RARB: variants seen among roughly 807,000 people sequenced by gnomAD.
The protein encoded by RARB is HBV-activated protein.
A neutral mutation model predicts 51.9 loss-of-function variants in RARB; 17 were observed. The ratio of observed to expected loss-of-function variants is 0.33; its 90% CI spans 0.22 to 0.49. The LOEUF (loss-of-function observed/expected upper bound fraction) is 0.49, where lower values mean the gene tolerates loss of function less well. RARB is among the 20% of genes least tolerant of loss of function. The probability of loss-of-function intolerance (pLI) is 0.99; values close to 1 mark genes in which losing one functional copy is unlikely to be tolerated. For synonymous variants in RARB, 215 were observed against 195.4 expected (o/e 1.10, Z -0.84); for missense variants, 369 against 550.8 (o/e 0.67, Z 3.30).
At chr3:25,593,888 T>C (rs1423066161) in intron 6 of RARB, among the ~76,000 whole-genome samples, 181 bp downstream of exon 6, 1 of 152,218 alleles carries the variant, frequency 6.6e-6, no homozygotes, top group Non-Finnish European at 1.5e-5. Context: ...TAACTAATGG[T>C]ATTTGGGATC....
intron 1 of RARB, among the ~76,000 whole-genome samples, chr3:25,453,353 T>G (rs888268312): frequency 1.3e-5 from 2 of 151,136 alleles, no homozygotes; most frequent in Non-Finnish European, 2.9e-5. Context: ...GTTCAAGCGA[T>G]TCTCCTGCCT....
At chr3:25,506,252 C>CAAAAAA (rs35856686) in intron 3 of RARB, among the ~76,000 whole-genome samples, 10 of 57,740 alleles carry the variant, frequency 1.7e-4, no homozygotes, top group Non-Finnish European at 1.9e-4. Flanking sequence ...GACTCCATCT[C>CAAAAAA]AAAAAAAAAA....
At chr3:25,186,904 T>C (rs1293857631) in intron 5 of RARB, among the ~76,000 whole-genome samples, 1 of 148,512 alleles carries the variant, frequency 6.7e-6, no homozygotes, top group Non-Finnish European at 1.5e-5. Context: ...TGTGTGTGTG[T>C]GTGTGTGTGT....
At chr3:24,950,822 T>G (rs1249888276) in intron 2 of RARB, among the ~76,000 whole-genome samples, 2 of 152,118 alleles carry the variant, frequency 1.3e-5, no homozygotes. Flanking sequence ...TGTAGTGCAG[T>G]AATTTTTCAA....
At chr3:24,957,069 T>C (rs371644279) in intron 2 of RARB, among the ~76,000 whole-genome samples, 3 of 152,166 alleles carry the variant, frequency 2.0e-5, no homozygotes, top group East Asian at 1.9e-4. Context: ...AGGAGTAATA[T>C]TGAACAAGGT....
chr3:24,977,093 G>A (rs1170908947), intron 2 of RARB, among the ~76,000 whole-genome samples: 1 of 152,034 alleles, frequency 6.6e-6, no homozygotes. Context: ...TTATTTTTGA[G>A]GCCTCTGTTC....
intron 5 of RARB, among the ~76,000 whole-genome samples, chr3:25,174,876 G>A (rs779593237): frequency 2.6e-5 from 4 of 152,186 alleles, no homozygotes; most frequent in Admixed American, 2.0e-4. Flanking sequence ...AAAGAAATTG[G>A]CCATATGATA....
At chr3:25,284,815 A>G (rs1703610142) in intron 5 of RARB, among the ~76,000 whole-genome samples, 1 of 152,218 alleles carries the variant, frequency 6.6e-6, no homozygotes, top group South Asian at 2.1e-4. Flanking sequence ...TATTCACGGG[A>G]TGCCAAAGCT....
At chr3:25,251,358 A>G (rs892661644) in intron 5 of RARB, among the ~76,000 whole-genome samples, 3 of 152,010 alleles carry the variant, frequency 2.0e-5, no homozygotes, top group Non-Finnish European at 2.9e-5. Context: ...TCATGGACAT[A>G]TGTTTTCAAT....
chr3:25,446,031 A>G lies in RARB; in HGVS notation c.158-15162A>G, dbSNP rs980934159. Among the ~76,000 whole-genome samples the G allele has an allele frequency of 5.3e-5, 8 of 152,372 alleles. No homozygotes were observed. The East Asian group carries it at 9.6e-4, about 18-fold the overall frequency. On this transcript the variant is annotated intron_variant, in intron 1 of 7. Transcript: ENST00000330688. ...GAACAAAGCATGATAAATAATCCCA[A>G]TAGACAGAATATGTGGGAAGGAATT...
intron 5 of RARB, among the ~76,000 whole-genome samples, chr3:25,590,802 C>T (rs1050604921): frequency 6.6e-6 from 1 of 152,202 alleles, no homozygotes; most frequent in African/African-American, 2.4e-5. Context: ...TTGACTGTCA[C>T]TTGATAACTC....
chr3:25,066,466 T>C (rs1479191792), intron 3 of RARB, among the ~76,000 whole-genome samples: 1 of 152,216 alleles, frequency 6.6e-6, no homozygotes, highest in Non-Finnish European at 1.5e-5. Flanking sequence ...TGAAAGTCAC[T>C]TAGGAATAAA....
chr3:25,271,158 G>A (rs1465212040), intron 5 of RARB, among the ~76,000 whole-genome samples: 2 of 152,154 alleles, frequency 1.3e-5, no homozygotes, highest in African/African-American at 2.4e-5. Context: ...AACCAATTAC[G>A]ATGGAATATG....
At chr3:25,555,428 C>T (rs921484466) in intron 3 of RARB, 23 of 152,142 alleles carry the variant, frequency 1.5e-4, no homozygotes, top group African/African-American at 5.3e-4. Flanking sequence ...ATCTGCCTCC[C>T]CCAAGAAGAA....
At chr3:24,969,811 G>T (rs927780031) in intron 2 of RARB, among the ~76,000 whole-genome samples, 18 of 152,074 alleles carry the variant, frequency 1.2e-4, no homozygotes, top group Admixed American at 9.8e-4. Flanking sequence ...AGAGTGGTGT[G>T]TCCATTTACA....
At chr3:24,855,571 G>A (rs1264899677) in intron 1 of RARB, among the ~76,000 whole-genome samples, 2 of 151,976 alleles carry the variant, frequency 1.3e-5, no homozygotes, top group Non-Finnish European at 2.9e-5. Flanking sequence ...TTTTGAGAGG[G>A]AATATAGTAC....
At chr3:25,345,598 G>A (rs1362658714) in intron 5 of RARB, among the ~76,000 whole-genome samples, 2 of 150,712 alleles carry the variant, frequency 1.3e-5, no homozygotes, top group Non-Finnish European at 2.9e-5. Context: ...CCAAGAGGTG[G>A]AGGTTGCAGT....
At chr3:25,475,946 A>C (rs1023472970) in intron 2 of RARB, among the ~76,000 whole-genome samples, 5 of 152,198 alleles carry the variant, frequency 3.3e-5, no homozygotes, top group Non-Finnish European at 5.9e-5. Context: ...TGTATTTGTC[A>C]CTCACACCAT....
chr3:25,372,587 T>A (rs1246275515), intron 5 of RARB, among the ~76,000 whole-genome samples: 3 of 152,182 alleles, frequency 2.0e-5, no homozygotes, highest in Non-Finnish European at 4.4e-5. Context: ...TTTGGGAGGC[T>A]GAAGCAGGAG....
Sources: allele counts gnomAD v4.1 joint callset (sites outside exome capture counted in the v4.1 genomes callset), GRCh38; gene constraint gnomAD v4.1.1; transcripts MANE v1.5; gene names NCBI Gene and HGNC (gene_info 2026-07-23, HGNC 2026-07-21).